Variants in ACAN observed in about 807,000 individuals in gnomAD.
ACAN encodes aggrecan core protein.
A neutral mutation model predicts 169.1 loss-of-function variants in ACAN; 47 were observed. The ratio of observed to expected loss-of-function variants is 0.28; its 90% CI spans 0.22 to 0.35. The LOEUF (loss-of-function observed/expected upper bound fraction) is 0.35, where lower values mean the gene tolerates loss of function less well. Ranked by LOEUF, ACAN falls within the 10% of genes least tolerant of loss-of-function variation. The probability of loss-of-function intolerance (pLI) is 1.00; values close to 1 mark genes in which losing one functional copy is unlikely to be tolerated. For synonymous variants in ACAN, 1,115 were observed against 1,112.2 expected (o/e 1.00, Z -0.05); for missense variants, 2,716 against 2,759.9 (o/e 0.98, Z 0.36).
At chr15:88,813,257 G>T (rs1217959300) in intron 1 of ACAN, among the ~76,000 whole-genome samples, 2 of 152,248 alleles carry the variant, frequency 1.3e-5, no homozygotes, top group Admixed American at 6.5e-5. Context: ...GATACCCCAT[G>T]GGGGCTAGAG....
At chr15:88,833,121 C>T (rs938536731) in intron 1 of ACAN, among the ~76,000 whole-genome samples, 2 of 152,164 alleles carry the variant, frequency 1.3e-5, no homozygotes, top group African/African-American at 4.8e-5. Flanking sequence ...GGAATCCAGG[C>T]CAAGACCTTG....
At position 88,843,625 on chromosome 15, in the gene ACAN, G is replaced by T; in HGVS notation, c.1028G>T (p.Arg343Leu). The T allele has an allele frequency of 6.3e-7, 1 of 1,585,904 alleles. No homozygotes were observed. ...ACGGGCTACCCCGACCCCTCATCCC[G>T]CTACGACGCCATCTGCTACACAGGT... ...NQTGYPDPSS[R>L]YDAICYTGED... Residue 343 changes from arginine to leucine, a missense_variant, in exon 6 of 19, where the codon CGC becomes CTC. Transcript: ENST00000560601. This position sits in a 1 kb window ranked among gnomAD's most constrained non-coding sequence, Gnocchi z 4.0.
intron 1 of ACAN, among the ~76,000 whole-genome samples, chr15:88,826,923 C>T (rs1213058740): frequency 6.6e-6 from 1 of 152,170 alleles, no homozygotes; most frequent in Admixed American, 6.5e-5. Flanking sequence ...GCCACAGGAC[C>T]TGGATTCCAA....
chr15:88,829,335 G>A (rs564631462), intron 1 of ACAN, among the ~76,000 whole-genome samples: 37 of 152,168 alleles, frequency 2.4e-4, no homozygotes, highest in Non-Finnish European at 1.0e-4. Flanking sequence ...GTAAACTGAG[G>A]CCTTACATGA....
chr15:88,845,922 G>A (rs1896784531), intron 7 of ACAN, 40 bp downstream of exon 7: 1 of 1,439,310 alleles, frequency 6.9e-7, no homozygotes, highest in African/African-American at 1.4e-5. Flanking sequence ...GGCAGGTGGA[G>A]AGAACTTGGC....
chr15:88,859,410 T>C lies in ACAN; in HGVS notation c.6825T>C (p.Thr2275=). 6.4e-7 allele frequency: 1 copy of C among 1,555,378 alleles called. No individual in the cohort carries two copies. Residue 2275 remains threonine (T), a synonymous_variant, in exon 12 of 19, where the codon ACT becomes ACC. Transcript: ENST00000560601. The part of the protein sequence containing the change: ...SPEWKRESES[T]AAAPARSCAE... ...AATGGAAACGTGAATCAGAATCAAC[T>C]GCTGCAGGTATTGTGATTTTTTCCC...
At chr15:88,824,695 AT>A (rs1343704862) in intron 1 of ACAN, among the ~76,000 whole-genome samples, 1 of 152,178 alleles carries the variant, frequency 6.6e-6, no homozygotes, top group Admixed American at 6.5e-5. Flanking sequence ...CCTGGCCAGC[AT>A]GGTGAAACCC....
chr15:88,870,643 C>T lies in ACAN; in HGVS notation c.7061-739C>T, dbSNP rs1186354192. Among the ~76,000 whole-genome samples, 1 of 152,176 alleles carries T rather than the reference C, an allele frequency of 6.6e-6. No individual in the cohort carries two copies. Among genetic ancestry groups the T allele is most frequent in the African/African-American group, 2.4e-5 (1 of 41,446 alleles). On this transcript the variant is annotated intron_variant, in intron 14 of 18. Coordinates refer to ENST00000560601, the MANE Select transcript of ACAN (RefSeq NM_001369268.1). The surrounding 1 kb of genome is among the most constrained non-coding windows in gnomAD (Gnocchi z 6.3). Reference sequence around the variant, plus strand: ...AGGCTGTCCAAGAACTCCAAGCCAGCCCCTTCTCCAGACTGAGAACCCATT... The same window carrying T: ...AGGCTGTCCAAGAACTCCAAGCCAGTCCCTTCTCCAGACTGAGAACCCATT...
At position 88,874,959 on chromosome 15, in the gene ACAN, G is replaced by A. The variant is rs2141647515; in HGVS notation, c.*478G>A. 2 of 293,912 alleles carry A rather than the reference G, an allele frequency of 6.8e-6. No homozygotes were observed. Among genetic ancestry groups the A allele is most frequent in the South Asian group, 3.5e-5 (1 of 28,848 alleles). The allele number at this position is 293,912 out of a possible 1,614,324, so 18.2% of individuals were successfully genotyped here. ...CTGAGAGCAGGAAGAACTCGGAACC[G>A]CAGCTGAATGTATTGGATGAGAAGG... On this transcript the variant is annotated 3_prime_UTR_variant, in exon 19 of 19. Transcript: ENST00000560601. This position sits in a 1 kb window ranked among gnomAD's most constrained non-coding sequence, Gnocchi z 7.3.
intron 9 of ACAN, among the ~76,000 whole-genome samples, chr15:88,848,822 T>C (rs922635790): frequency 6.6e-6 from 1 of 152,246 alleles, no homozygotes; most frequent in Non-Finnish European, 1.5e-5. Flanking sequence ...AAAATGGGGC[T>C]GATTTATATG....
At chr15:88,834,042 T>C (rs1211034228) in intron 1 of ACAN, among the ~76,000 whole-genome samples, 1 of 152,152 alleles carries the variant, frequency 6.6e-6, no homozygotes. Flanking sequence ...TCTGGGGAAC[T>C]ATTTCCCAGC....
At chr15:88,852,091 C>T (rs1896945725) in intron 11 of ACAN, 58 bp downstream of exon 11, 1 of 1,538,888 alleles carries the variant, frequency 6.5e-7, no homozygotes, top group South Asian at 1.2e-5. Context: ...TGTCTTCCTA[C>T]AGTGTGCCTG....
In ACAN at chr15:88,826,374, C is replaced by CTTT. The variant is rs59069149; in HGVS notation, c.-7-9809_-7-9807dup. Among the ~76,000 whole-genome samples the CTTT allele has an allele frequency of 6.9e-4, 77 of 111,568 alleles. 1 individual carries two copies. In the South Asian group the frequency reaches 0.02, roughly 29 times the overall value. 73.2% of individuals were successfully genotyped at this position (111,568 alleles called of 152,430 possible). A position where few individuals can be genotyped will look rare whatever the true frequency, so the allele number is the denominator to read the frequency against. On this transcript the variant is annotated intron_variant, in intron 1 of 18. Transcript: ENST00000560601. ...GCATTTGTATAGTGGCCTTTTTTTT[C>CTTT]TTTTTTTTTTTTTTTTTTTGGAGCC...
chr15:88,849,636 G>T lies in ACAN; in HGVS notation c.1931G>T (p.Gly644Val). ...ATCGTCACCCCAAGGCCTGCCTGCG[G>T]TGGGGACAAGCCAGGCGTGAGAACG... is the stretch of plus-strand genomic sequence containing the variant. Reference protein sequence around the residue: ...YPIVTPRPACGGDKPGVRTVY... With the variant: ...YPIVTPRPACVGDKPGVRTVY... Residue 644 changes from glycine (G) to valine (V), a missense_variant, in exon 10 of 19, where the codon GGT becomes GTT. Transcript: ENST00000560601. This position sits in a 1 kb window ranked among gnomAD's most constrained non-coding sequence, Gnocchi z 5.1. The T allele has an allele frequency of 6.2e-7, 1 of 1,613,092 alleles. No homozygotes were observed. The highest frequency in any genetic ancestry group is 1.1e-5 in the South Asian group (1 of 91,006).
Position 88,874,047 on chromosome 15 carries a change from C to T in ACAN, c.7630+23C>T, listed in dbSNP as rs372364270. 2.6e-5 allele frequency: 41 copies of T among 1,605,652 alleles called. No individual in the cohort carries two copies. The Admixed American group carries it at 3.0e-4, about 12-fold the overall frequency. ...ACCGTGAGCATCACCCCGGCCATCT[C>T]GCTGAGCACAGGGTTAGATTCTGCC... On this transcript the variant is annotated intron_variant, in intron 18 of 18. Transcript: ENST00000560601. This position sits in a 1 kb window ranked among gnomAD's most constrained non-coding sequence, Gnocchi z 7.3.
In ACAN at chr15:88,866,874, C is replaced by T. The variant is rs151131104; in HGVS notation, c.6947-1342C>T. 3.9e-5 allele frequency among the ~76,000 whole-genome samples: 6 copies of T among 152,334 alleles called. No homozygotes were observed. Among genetic ancestry groups the T allele is most frequent in the East Asian group, 1.9e-4 (1 of 5,174 alleles). On this transcript the variant is annotated intron_variant, in intron 13 of 18. Coordinates refer to ENST00000560601, the MANE Select transcript of ACAN (RefSeq NM_001369268.1). This position sits in a 1 kb window ranked among gnomAD's most constrained non-coding sequence, Gnocchi z 5.6. Reference sequence around the variant, plus strand: ...AGATCCTATTCCCACCACAGGGCTTCGCTGTCCTGCAGAGCCCACCTACAG... The same window carrying T: ...AGATCCTATTCCCACCACAGGGCTTTGCTGTCCTGCAGAGCCCACCTACAG...
intron 1 of ACAN, among the ~76,000 whole-genome samples, chr15:88,824,365 A>C (rs1021967552): frequency 2.6e-5 from 4 of 151,994 alleles, no homozygotes; most frequent in South Asian, 4.2e-4. Flanking sequence ...CACTCCTTCT[A>C]CTTCCAAACC....
chr15:88,873,000 C>A lies in ACAN; in HGVS notation c.7422C>A (p.Leu2474=), dbSNP rs1266878425. 8.1e-6 allele frequency: 13 copies of A among 1,613,234 alleles called. No individual in the cohort carries two copies. Among genetic ancestry groups the A allele is most frequent in the Non-Finnish European group, 1.1e-5 (13 of 1,179,706 alleles). ...EWNDVPCNYH[L]PFTCKKGTVA... ...ATGATGTTCCCTGCAATTACCACCT[C>A]CCCTTCACGTGTAAAAAGGGCACAG... The change falls in exon 17 of 19, where the codon CTC becomes CTA. Residue 2474 remains leucine, a synonymous_variant. Coordinates refer to ENST00000560601, the MANE Select transcript of ACAN (RefSeq NM_001369268.1). This position sits in a 1 kb window ranked among gnomAD's most constrained non-coding sequence, Gnocchi z 5.4.
chr15:88,846,753 T>A (rs1896801456), intron 7 of ACAN, among the ~76,000 whole-genome samples: 1 of 152,238 alleles, frequency 6.6e-6, no homozygotes, highest in Non-Finnish European at 1.5e-5. Context: ...TACACTTGTA[T>A]ATCAGGGACT....
Sources: gnomAD v4.1 joint callset for allele counts (sites outside exome capture counted in the v4.1 genomes callset) on GRCh38, gnomAD v4.1.1 for gene constraint, Gnocchi (gnomAD v3.1) non-coding constraint, MANE v1.5 for transcripts, NCBI Gene and HGNC (gene_info 2026-07-23, HGNC 2026-07-21) for gene names.